PCCA: variants seen among roughly 807,000 people sequenced by gnomAD.
PCCA encodes the protein propionyl-CoA carboxylase subunit alpha, also known as propionyl-CoA carboxylase alpha chain, mitochondrial.
In PCCA, 74 loss-of-function variants were observed where a neutral mutation model predicts 101.3. That is an observed-to-expected ratio of 0.73 (90% CI 0.61 to 0.89). The LOEUF (loss-of-function observed/expected upper bound fraction) is 0.89. Ranked by LOEUF, PCCA falls within the 40% of genes least tolerant of loss-of-function variation. The pLI is 0.00. For missense variants in PCCA, 891 were observed against 907.0 expected (o/e 0.98, Z 0.23); for synonymous variants, 294 against 313.6 (o/e 0.94, Z 0.66).
At chr13:100,223,868 T>C (rs1448759076) in intron 7 of PCCA, among the ~76,000 whole-genome samples, 4 of 151,866 alleles carry the variant, frequency 2.6e-5, no homozygotes, top group African/African-American at 9.7e-5. Context: ...AGAGTGTCGA[T>C]TGGTGCATTC....
intron 19 of PCCA, among the ~76,000 whole-genome samples, chr13:100,373,226 T>A (rs1344062383): frequency 6.6e-6 from 1 of 152,064 alleles, no homozygotes; most frequent in Non-Finnish European, 1.5e-5. Flanking sequence ...AAATCAAACC[T>A]GCAGTGAGAT....
chr13:100,229,038 G>T (rs1293736012), intron 7 of PCCA, among the ~76,000 whole-genome samples: 1 of 151,212 alleles, frequency 6.6e-6, no homozygotes, highest in Admixed American at 6.6e-5. Flanking sequence ...TAAACTTGTG[G>T]CTTTTCAATT....
intron 19 of PCCA, among the ~76,000 whole-genome samples, chr13:100,387,484 A>G (rs968479299): frequency 6.6e-6 from 1 of 152,214 alleles, no homozygotes; most frequent in African/African-American, 2.4e-5. Context: ...TTTAGAGAAC[A>G]GTATGTTTTT....
intron 21 of PCCA, among the ~76,000 whole-genome samples, chr13:100,477,118 C>T (rs767448039): frequency 5.3e-5 from 8 of 152,166 alleles, no homozygotes; most frequent in Non-Finnish European, 1.0e-4. Flanking sequence ...TACTAATTTA[C>T]TGGCTATTTG....
chr13:100,369,719 C>T (rs964746617), intron 19 of PCCA, among the ~76,000 whole-genome samples: 3 of 152,118 alleles, frequency 2.0e-5, no homozygotes, highest in African/African-American at 7.2e-5. Flanking sequence ...AAAATGAAAG[C>T]TATGATGGAG....
chr13:100,266,417 C>T (rs573302274), intron 10 of PCCA, among the ~76,000 whole-genome samples: 78 of 152,230 alleles, frequency 5.1e-4, no homozygotes, highest in Non-Finnish European at 8.2e-4. Flanking sequence ...AGTTAATAGG[C>T]CACACAGATG....
chr13:100,511,979 GTGC>G (rs1366262251), intron 21 of PCCA, among the ~76,000 whole-genome samples: 1 of 152,166 alleles, frequency 6.6e-6, no homozygotes, highest in Non-Finnish European at 1.5e-5. Context: ...TGTCTTTGGG[GTGC>G]TGATTTCTGG....
chr13:100,174,486 G>A (rs2056038727), intron 6 of PCCA, among the ~76,000 whole-genome samples: 1 of 148,684 alleles, frequency 6.7e-6, no homozygotes, highest in African/African-American at 2.5e-5. Context: ...CAGCACTTTG[G>A]GGAGGCCAAA....
At chr13:100,238,934 C>G (rs1210093621) in intron 8 of PCCA, among the ~76,000 whole-genome samples, 1 of 152,074 alleles carries the variant, frequency 6.6e-6, no homozygotes, top group African/African-American at 2.4e-5. Context: ...TGTGTTATAC[C>G]TATTCATAGA....
chr13:100,095,306 C>T (rs2046670939), intron 1 of PCCA, among the ~76,000 whole-genome samples: 1 of 152,174 alleles, frequency 6.6e-6, no homozygotes, highest in Admixed American at 6.5e-5. Flanking sequence ...TCACAGGTTC[C>T]AGGACGTGGA....
chr13:100,108,208 C>T (rs1047055867), intron 2 of PCCA, among the ~76,000 whole-genome samples: 1 of 152,048 alleles, frequency 6.6e-6, no homozygotes, highest in African/African-American at 2.4e-5. Flanking sequence ...AGAAAAATAA[C>T]AACAGCAAAA....
chr13:100,450,839 T>C (rs1335034026), intron 21 of PCCA, among the ~76,000 whole-genome samples: 1 of 152,214 alleles, frequency 6.6e-6, no homozygotes, highest in Non-Finnish European at 1.5e-5. Context: ...ATTAGTAAGG[T>C]AATACATGCT....
intron 8 of PCCA, among the ~76,000 whole-genome samples, chr13:100,242,397 C>A (rs961487119): frequency 6.6e-6 from 1 of 152,064 alleles, no homozygotes; most frequent in Non-Finnish European, 1.5e-5. Context: ...TTGAGATAAA[C>A]ATTGACGGAA....
chr13:100,203,273 C>CA (rs998482300), intron 6 of PCCA, among the ~76,000 whole-genome samples: 3,936 of 63,982 alleles, frequency 0.062, 170 homozygotes, highest in African/African-American at 0.17. Context: ...GACTCCGTCT[C>CA]AAAAAAAAAA....
intron 7 of PCCA, among the ~76,000 whole-genome samples, chr13:100,210,825 T>G (rs2059168072): frequency 1.3e-5 from 2 of 152,208 alleles, no homozygotes; most frequent in African/African-American, 4.8e-5. Flanking sequence ...TAGAGGACGA[T>G]TAGAAAACTT....
intron 7 of PCCA, among the ~76,000 whole-genome samples, chr13:100,225,456 A>G (rs1357724014): frequency 1.3e-5 from 2 of 152,226 alleles, no homozygotes; most frequent in Non-Finnish European, 2.9e-5. Flanking sequence ...TAGGCAGTGT[A>G]GATTTAAAGT....
chr13:100,505,310 T>C (rs527768027), intron 21 of PCCA, among the ~76,000 whole-genome samples: 10 of 152,212 alleles, frequency 6.6e-5, no homozygotes, highest in Non-Finnish European at 1.5e-4. Flanking sequence ...GATAAATGGT[T>C]TTTGAATGAA....
At chr13:100,441,863 AT>A (rs1275369517) in intron 20 of PCCA, among the ~76,000 whole-genome samples, 1 of 152,150 alleles carries the variant, frequency 6.6e-6, no homozygotes, top group Non-Finnish European at 1.5e-5. Flanking sequence ...CTAAAACTGA[AT>A]TATCTTAATC....
At chr13:100,266,373 G>A (rs994510685) in intron 10 of PCCA, among the ~76,000 whole-genome samples, 26 of 152,262 alleles carry the variant, frequency 1.7e-4, no homozygotes, top group African/African-American at 6.0e-4. Flanking sequence ...TACAGCCTGG[G>A]TGATATTTTT....
Sources: gnomAD v4.1 joint callset for allele counts (sites outside exome capture counted in the v4.1 genomes callset) on GRCh38, gnomAD v4.1.1 for gene constraint, MANE v1.5 for transcripts, NCBI Gene and HGNC (gene_info 2026-07-23, HGNC 2026-07-21) for gene names.